BLTP2: variants seen among roughly 807,000 people sequenced by gnomAD.
BLTP2 encodes the protein U937-associated antigen.
At chr17:28,627,130 C>A in the BLTP2 span, among the ~76,000 whole-genome samples, 1 of 152,344 alleles carries the variant, frequency 6.6e-6, no homozygotes, top group Admixed American at 6.5e-5. Context: ...AATTCCCACA[C>A]ATTTGGTCAC....
chr17:28,644,359 ATCCTAGCTCCCGAC>A, the BLTP2 span, among the ~76,000 whole-genome samples: 1 of 152,224 alleles, frequency 6.6e-6, no homozygotes, highest in Non-Finnish European at 1.5e-5. Context: ...GCTGATCAAG[ATCCTAGCTCCCGAC>A]TGACCCCTCC....
chr17:28,614,915 C>G, the BLTP2 span: 1 of 712,240 alleles, frequency 1.4e-6, no homozygotes, highest in South Asian at 1.8e-5. Flanking sequence ...CCATGCCCTG[C>G]AGCGAACAGA....
chr17:28,615,784 A>G, the BLTP2 span: 1 of 1,614,052 alleles, frequency 6.2e-7, no homozygotes, highest in Non-Finnish European at 8.5e-7. Flanking sequence ...CCCAGTCCAC[A>G]CTGTTCTTCT....
chr17:28,629,335 C>A, the BLTP2 span, among the ~76,000 whole-genome samples: 1 of 151,798 alleles, frequency 6.6e-6, no homozygotes, highest in Non-Finnish European at 1.5e-5. Flanking sequence ...CCATCACCCA[C>A]GCTGGAGTGC....
At chr17:28,638,315 C>T in the BLTP2 span, 36 of 1,613,522 alleles carry the variant, frequency 2.2e-5, no homozygotes, top group South Asian at 2.3e-4. Flanking sequence ...GTGGGTGTGG[C>T]GCCCGCTGAA....
the BLTP2 span, chr17:28,639,177 A>G: frequency 2.4e-6 from 2 of 834,624 alleles, no homozygotes; most frequent in South Asian, 3.1e-5. Context: ...AAGATATATA[A>G]AACAGGATTG....
At chr17:28,614,996 C>T in the BLTP2 span, 2 of 1,463,082 alleles carry the variant, frequency 1.4e-6, no homozygotes, top group Non-Finnish European at 1.9e-6. Flanking sequence ...GAAGCCCCTC[C>T]CACCCCACAA....
At chr17:28,639,160 A>G in the BLTP2 span, 1 of 744,222 alleles carries the variant, frequency 1.3e-6, no homozygotes, top group Non-Finnish European at 2.3e-6. Context: ...AGTCTAGTCT[A>G]ATGGGAAAGA....
the BLTP2 span, chr17:28,636,836 T>G: frequency 1.3e-6 from 1 of 753,554 alleles, no homozygotes; most frequent in Non-Finnish European, 2.2e-6. Context: ...CCCAGTAGTT[T>G]AAGACCAGTC....
the BLTP2 span, chr17:28,634,122 G>A: frequency 2.5e-6 from 4 of 1,585,372 alleles, no homozygotes; most frequent in Admixed American, 1.7e-5. Flanking sequence ...TGGCTACTCA[G>A]GGGCAGTCTG....
chr17:28,626,795 C>T, the BLTP2 span, among the ~76,000 whole-genome samples: 1 of 152,274 alleles, frequency 6.6e-6, no homozygotes, highest in Non-Finnish European at 1.5e-5. Context: ...CACTATGCAT[C>T]TCTTCATCCA....
chr17:28,620,638 A>G, the BLTP2 span: 4 of 1,611,872 alleles, frequency 2.5e-6, no homozygotes, highest in South Asian at 4.4e-5. Context: ...CCCCTAGATA[A>G]TTGTTAGCAG....
chr17:28,632,913 C>T, the BLTP2 span: 1 of 1,478,228 alleles, frequency 6.8e-7, no homozygotes, highest in Non-Finnish European at 9.0e-7. Flanking sequence ...CAAGCCCTTC[C>T]TCCCCACTGC....
chr17:28,628,581 T>G, the BLTP2 span: 8 of 1,603,312 alleles, frequency 5.0e-6, no homozygotes, highest in Non-Finnish European at 6.0e-6. Context: ...GAAAAGGACT[T>G]CAGGGTAGCA....
At chr17:28,624,380 C>T in the BLTP2 span, 1 of 1,612,430 alleles carries the variant, frequency 6.2e-7, no homozygotes, top group Non-Finnish European at 8.5e-7. Context: ...GCTTCTGCAA[C>T]ATGTAAGCAC....
the BLTP2 span, among the ~76,000 whole-genome samples, chr17:28,632,533 T>C: frequency 3.3e-5 from 5 of 152,052 alleles, no homozygotes. Context: ...GGTGGAGCCT[T>C]CATGAATAGG....
the BLTP2 span, chr17:28,615,034 TCCTGTACTGCAGC>T: frequency 1.8e-3 from 2,893 of 1,599,502 alleles, 70 homozygotes; most frequent in South Asian, 0.029. Context: ...CAGAGTCAGA[TCCTGTACTGCAGC>T]CACTCGAATC....
At chr17:28,643,033 T>A in the BLTP2 span, 1 of 1,500,696 alleles carries the variant, frequency 6.7e-7, no homozygotes, top group Non-Finnish European at 9.3e-7. Context: ...GTTAAGGAAC[T>A]GCCCTTCCTT....
chr17:28,639,998 C>A, the BLTP2 span: 1 of 1,613,974 alleles, frequency 6.2e-7, no homozygotes, highest in Non-Finnish European at 8.5e-7. Flanking sequence ...ACAGGAACTG[C>A]AGCAGCTTCA....
Sources: allele counts gnomAD v4.1 joint callset (sites outside exome capture counted in the v4.1 genomes callset), GRCh38; gene constraint gnomAD v4.1.1; transcripts MANE v1.5; gene names NCBI Gene and HGNC (gene_info 2026-07-23, HGNC 2026-07-21).